The following ZC3H12B variants were observed in gnomAD, a reference collection of about 807,000 sequenced individuals.
The protein encoded by ZC3H12B is probable ribonuclease ZC3H12B.
A neutral mutation model predicts 43.9 loss-of-function variants in ZC3H12B; 7 were observed. That is an observed-to-expected ratio of 0.16 (90% confidence interval 0.09 to 0.30). The LOEUF (loss-of-function observed/expected upper bound fraction) is 0.30, where lower values mean the gene tolerates loss of function less well. ZC3H12B is among the 10% of genes least tolerant of loss of function. The pLI is 1.00. For synonymous variants in ZC3H12B, 222 were observed against 241.7 expected, an observed-to-expected ratio of 0.92 and a Z score of 0.76; for missense variants, 475 against 670.2, an observed-to-expected ratio of 0.71 and a Z score of 3.22.
At chrX:65,175,809 C>A in the ZC3H12B span, among the ~76,000 whole-genome samples, 2 of 111,972 alleles carry the variant, frequency 1.8e-5, no homozygotes, top group Admixed American at 9.5e-5. Flanking sequence ...CCTCTCCTAG[C>A]CAAGGGAAGC....
chrX:65,332,523 T>A, the ZC3H12B span, among the ~76,000 whole-genome samples: 1 of 111,509 alleles, frequency 9.0e-6, no homozygotes, highest in African/African-American at 3.3e-5. Flanking sequence ...ACTGTGCAAC[T>A]GTTGGAACCA....
chrX:65,192,880 T>A, the ZC3H12B span, among the ~76,000 whole-genome samples: 19 of 110,880 alleles, frequency 1.7e-4, no homozygotes, highest in Non-Finnish European at 1.9e-4. Context: ...TTCAAGCGAT[T>A]TTCCTGCCTC....
At chrX:65,245,411 C>T in the ZC3H12B span, among the ~76,000 whole-genome samples, 2 of 111,572 alleles carry the variant, frequency 1.8e-5, no homozygotes, top group African/African-American at 6.5e-5. Context: ...AGGCCAATAT[C>T]CTTGATGAAC....
the ZC3H12B span, among the ~76,000 whole-genome samples, chrX:65,137,602 C>A: frequency 0.015 from 1,726 of 111,751 alleles, 42 homozygotes; most frequent in African/African-American, 0.053. Context: ...GGATCAAAAT[C>A]TGAATTATCT....
At chrX:65,401,449 C>T (rs1430858238) in intron 3 of ZC3H12B, among the ~76,000 whole-genome samples, 2 of 111,909 alleles carry the variant, frequency 1.8e-5, no homozygotes, top group African/African-American at 6.5e-5. Flanking sequence ...CCTCACACAT[C>T]ACTACTGGGG....
the ZC3H12B span, among the ~76,000 whole-genome samples, chrX:65,327,483 A>T: frequency 9.0e-6 from 1 of 111,455 alleles, no homozygotes; most frequent in South Asian, 3.7e-4. Flanking sequence ...ACAAGCCACC[A>T]TTCTCCAACA....
the ZC3H12B span, among the ~76,000 whole-genome samples, chrX:65,356,347 C>G: frequency 6.4e-4 from 72 of 112,319 alleles, no homozygotes; most frequent in Non-Finnish European, 1.1e-3. Context: ...CATGTTAACA[C>G]AGAGACACCT....
intron 1 of ZC3H12B, among the ~76,000 whole-genome samples, chrX:65,494,938 C>T (rs1225758052): frequency 9.0e-6 from 1 of 111,502 alleles, no homozygotes; most frequent in East Asian, 2.8e-4. Context: ...AAATTCCATC[C>T]CTTCAAATCC....
At chrX:65,177,776 G>A in the ZC3H12B span, among the ~76,000 whole-genome samples, 6 of 112,131 alleles carry the variant, frequency 5.4e-5, no homozygotes, top group Non-Finnish European at 7.5e-5. Context: ...AATAAGAGAG[G>A]ACACAAACAA....
chrX:65,499,252 G>T lies in ZC3H12B; in HGVS notation c.983+19G>T, dbSNP rs1569426420. The T allele has an allele frequency of 3.7e-6, 4 of 1,079,614 alleles. No homozygotes were observed. The highest frequency in any genetic ancestry group is 3.8e-6 in the Non-Finnish European group (3 of 782,449). 89.0% of individuals were successfully genotyped at this position (1,079,614 alleles called of 1,213,427 possible). A position where few individuals can be genotyped will look rare whatever the true frequency, so the allele number is the denominator to read the frequency against. On this transcript the variant is annotated intron_variant, in intron 3 of 4. Coordinates refer to ENST00000338957, the Ensembl canonical transcript of ZC3H12B. Reference sequence around the variant, plus strand: ...ATGACAAGTGCGTTTCTTTCCAGTAGGCCTATATCCAAGTTATCAGTAAGA... The same window carrying T: ...ATGACAAGTGCGTTTCTTTCCAGTATGCCTATATCCAAGTTATCAGTAAGA...
At chrX:65,119,132 C>A in the ZC3H12B span, among the ~76,000 whole-genome samples, 3 of 111,465 alleles carry the variant, frequency 2.7e-5, no homozygotes, top group South Asian at 7.6e-4. Flanking sequence ...GTCTTTCTAG[C>A]AGCATGATTT....
chrX:65,328,002 A>G, the ZC3H12B span: 5 of 247,051 alleles, frequency 2.0e-5, no homozygotes, highest in Non-Finnish European at 3.2e-5. Flanking sequence ...ACAGCTTTAC[A>G]GTGGTACTCA....
chrX:65,202,076 CATATA>C, the ZC3H12B span, among the ~76,000 whole-genome samples: 5 of 60,944 alleles, frequency 8.2e-5, no homozygotes, highest in African/African-American at 5.7e-4. Flanking sequence ...ATATATATTA[CATATA>C]ATATATGTAA....
At chrX:65,227,238 C>T in the ZC3H12B span, among the ~76,000 whole-genome samples, 1 of 111,483 alleles carries the variant, frequency 9.0e-6, no homozygotes, top group Non-Finnish European at 1.9e-5. Context: ...TCACTCAAAA[C>T]CGCTCAACTA....
chrX:65,083,298 C>T, the ZC3H12B span, among the ~76,000 whole-genome samples: 15,924 of 111,024 alleles, frequency 0.14, 2,743 homozygotes, highest in African/African-American at 0.49. Flanking sequence ...AGGGCATCTA[C>T]ATTGGAATGG....
the ZC3H12B span, among the ~76,000 whole-genome samples, chrX:65,105,941 T>A: frequency 8.9e-6 from 1 of 111,857 alleles, no homozygotes; most frequent in Admixed American, 9.5e-5. Context: ...CTGAAGTGAA[T>A]AAATTGATAA....
intron 3 of ZC3H12B, among the ~76,000 whole-genome samples, chrX:65,472,896 G>GTA (rs1333326222): frequency 2.4e-5 from 2 of 84,055 alleles, no homozygotes; most frequent in African/African-American, 4.4e-5. Context: ...ATATGTTTGT[G>GTA]TATATATATG....
chrX:65,249,879 G>A, the ZC3H12B span, among the ~76,000 whole-genome samples: 1 of 101,322 alleles, frequency 9.9e-6, no homozygotes, highest in Admixed American at 1.1e-4. Flanking sequence ...TGTTGTTGGT[G>A]TATAGAAGAG....
chrX:65,368,160 G>C (rs2066197646), intron 1 of ZC3H12B, among the ~76,000 whole-genome samples: 1 of 112,093 alleles, frequency 8.9e-6, no homozygotes, highest in Non-Finnish European at 1.9e-5. Context: ...GAGTGAGGTA[G>C]AAAGGGATGG....
Sources: gnomAD v4.1 joint callset for allele counts (sites outside exome capture counted in the v4.1 genomes callset) on GRCh38, gnomAD v4.1.1 for gene constraint, MANE v1.5 for transcripts, NCBI Gene and HGNC (gene_info 2026-07-23, HGNC 2026-07-21) for gene names.